Variants in RP1 observed in about 807,000 individuals in gnomAD.
RP1 encodes the protein oxygen-regulated protein 1.
Under a neutral mutation model 14.8 loss-of-function variants are expected in RP1, and 16 were observed. That is an observed-to-expected ratio of 1.08 (90% CI 0.73 to 1.65). The LOEUF (loss-of-function observed/expected upper bound fraction) is 1.65, where lower values mean the gene tolerates loss of function less well. Ranked by LOEUF, RP1 falls within the 40% of genes most tolerant of loss-of-function variation. The pLI, the probability that RP1 is intolerant of heterozygous loss-of-function variation, is 0.00. For synonymous variants in RP1, 876 were observed against 883.6 expected, an observed-to-expected ratio of 0.99 and a Z score of 0.15; for missense variants, 2,631 against 2,535.0, an observed-to-expected ratio of 1.04 and a Z score of -0.81.
intron 7 of RP1, among the ~76,000 whole-genome samples, chr8:54,670,267 C>G (rs892189857): frequency 1.3e-5 from 2 of 151,408 alleles, no homozygotes; most frequent in Non-Finnish European, 2.9e-5. Context: ...TCTGTTAGGA[C>G]CAATGGTTTA....
intron 24 of RP1, among the ~76,000 whole-genome samples, chr8:54,814,510 GTT>G (rs1217405845): frequency 1.3e-5 from 2 of 152,144 alleles, no homozygotes. Flanking sequence ...AAAATCTGAT[GTT>G]TTCTTAGAGT....
chr8:54,784,058 G>A (rs372727119), intron 24 of RP1, among the ~76,000 whole-genome samples: 1 of 152,164 alleles, frequency 6.6e-6, no homozygotes, highest in South Asian at 2.1e-4. Flanking sequence ...ACCCATACAT[G>A]TTTTCCACAA....
chr8:54,853,775 G>GAGA, intron 26 of RP1, among the ~76,000 whole-genome samples: 1 of 55,412 alleles, frequency 1.8e-5, no homozygotes, highest in African/African-American at 1.4e-4. Flanking sequence ...AAAGAGAAAG[G>GAGA]AAGGAAGAGA....
At chr8:54,575,395 T>TA (rs397750104) in intron 1 of RP1, among the ~76,000 whole-genome samples, 23 of 152,076 alleles carry the variant, frequency 1.5e-4, no homozygotes, top group African/African-American at 5.3e-4. Flanking sequence ...ATTTTTTTTT[T>TA]AATTTTTAGT....
intron 1 of RP1, among the ~76,000 whole-genome samples, chr8:54,584,404 G>T (rs1371502956): frequency 2.0e-5 from 3 of 152,184 alleles, no homozygotes; most frequent in Non-Finnish European, 4.4e-5. Flanking sequence ...ATTTGCTCAG[G>T]AGTGCTTTAC....
chr8:54,579,674 G>A (rs953719711), intron 1 of RP1, among the ~76,000 whole-genome samples: 1 of 152,144 alleles, frequency 6.6e-6, no homozygotes. Flanking sequence ...TGGGATGGTC[G>A]GCAATCTAAA....
intron 19 of RP1, among the ~76,000 whole-genome samples, chr8:54,747,165 G>T (rs1299902121): frequency 6.6e-6 from 1 of 151,990 alleles, no homozygotes; most frequent in Non-Finnish European, 1.5e-5. Context: ...TAGGCTTCCA[G>T]CTTCTTTTTC....
chr8:54,609,580 C>T (rs1262086597), intron 1 of RP1, among the ~76,000 whole-genome samples: 1 of 152,202 alleles, frequency 6.6e-6, no homozygotes, highest in African/African-American at 2.4e-5. Flanking sequence ...CACAAGCCTA[C>T]TATACCTCCT....
At chr8:54,774,767 A>G (rs1011372675), downstream of RP1, among the ~76,000 whole-genome samples, 2 of 152,212 alleles carry the variant, frequency 1.3e-5, no homozygotes, top group Admixed American at 1.3e-4. Context: ...GTAATAAAAT[A>G]CACTCAGCAT....
At chr8:54,665,628 A>G (rs1215053113) in intron 7 of RP1, among the ~76,000 whole-genome samples, 1 of 152,174 alleles carries the variant, frequency 6.6e-6, no homozygotes, top group Non-Finnish European at 1.5e-5. Flanking sequence ...CTGCACTCCT[A>G]TTCAGACCAC....
intron 1 of RP1, among the ~76,000 whole-genome samples, chr8:54,604,681 G>A (rs1333624235): frequency 3.3e-5 from 5 of 152,220 alleles, no homozygotes; most frequent in East Asian, 3.9e-4. Flanking sequence ...ACTTTTTTTG[G>A]TTGATAAGCT....
At chr8:54,812,736 AT>A (rs1301389626) in intron 24 of RP1, among the ~76,000 whole-genome samples, 1 of 151,856 alleles carries the variant, frequency 6.6e-6, no homozygotes, top group Non-Finnish European at 1.5e-5. Context: ...TCTTCTATGT[AT>A]CTATGTATCC....
intron 5 of RP1, chr8:54,655,996 G>A (rs1806746891): frequency 1.2e-6 from 1 of 861,156 alleles, no homozygotes; most frequent in South Asian, 2.1e-5. Context: ...AATTCTCTGA[G>A]CTAAGTGGCA....
intron 1 of RP1, among the ~76,000 whole-genome samples, chr8:54,606,870 C>G (rs1008407631): frequency 1.3e-5 from 2 of 152,168 alleles, no homozygotes; most frequent in African/African-American, 4.8e-5. Context: ...TCACGTAGTT[C>G]TCGTGCCATG....
exon 14 of RP1, chr8:54,701,546 C>A (rs1015666060): frequency 5.9e-6 from 9 of 1,535,660 alleles, no homozygotes; most frequent in African/African-American, 2.7e-5. Flanking sequence ...CTGTGCACTT[C>A]TTGAGTCGGC....
Position 54,652,376 on chromosome 8 carries a change from GT to G in RP1, c.952-400del, listed in dbSNP as rs754127847. Reference sequence around the variant, plus strand: ...TTGTCTTTTTAAATTTTCAAGCCTTGTTTTGTTGCATTACATATGTTCTATC... The same window carrying G: ...TTGTCTTTTTAAATTTTCAAGCCTTGTTTGTTGCATTACATATGTTCTATC... On this transcript the variant is annotated intron_variant, in intron 4 of 22. Coordinates refer to the RP1 transcript ENST00000636932. Among the ~76,000 whole-genome samples the G allele has an allele frequency of 3.9e-5, 6 of 151,986 alleles. No homozygotes were observed. In the East Asian group the frequency reaches 9.7e-4, roughly 24 times the overall value.
chr8:54,831,155 G>T (rs543537235), intron 24 of RP1, among the ~76,000 whole-genome samples: 1 of 151,892 alleles, frequency 6.6e-6, no homozygotes, highest in Non-Finnish European at 1.5e-5. Flanking sequence ...AGACTTTGTT[G>T]CTCTGAATAT....
At chr8:54,844,095 G>A (rs1413065705) in intron 25 of RP1, among the ~76,000 whole-genome samples, 1 of 152,088 alleles carries the variant, frequency 6.6e-6, no homozygotes, top group Non-Finnish European at 1.5e-5. Context: ...TGTCCACCAA[G>A]GTAGGTAGAA....
intron 17 of RP1, among the ~76,000 whole-genome samples, chr8:54,734,112 C>A (rs1468462097): frequency 6.6e-6 from 1 of 152,002 alleles, no homozygotes; most frequent in Admixed American, 6.6e-5. Context: ...TTTCTTTGCC[C>A]TCAATTTGCC....
Sources: allele counts gnomAD v4.1 joint callset (sites outside exome capture counted in the v4.1 genomes callset), GRCh38; gene constraint gnomAD v4.1.1; transcripts MANE v1.5; gene names NCBI Gene and HGNC (gene_info 2026-07-23, HGNC 2026-07-21).